The following TSBP1 variants were observed in gnomAD, a reference collection of about 807,000 sequenced individuals.
The protein encoded by TSBP1 is testis-expressed basic protein 1.
TSBP1 carries 56 observed loss-of-function variants against 68.8 expected under a neutral mutation model. That is an observed-to-expected ratio of 0.81 (90% confidence interval 0.66 to 1.02). The LOEUF (loss-of-function observed/expected upper bound fraction) is 1.02, where lower values mean the gene tolerates loss of function less well. Among genes scored for constraint, TSBP1 ranks in the 50% least tolerant of loss-of-function variants. The pLI is 0.00. For synonymous variants in TSBP1, 171 were observed against 208.7 expected, an observed-to-expected ratio of 0.82 and a Z score of 1.56; for missense variants, 502 against 641.2, an observed-to-expected ratio of 0.78 and a Z score of 2.34.
At chr6:32,323,591 C>T (rs751054695) in exon 17 of TSBP1, 48 of 1,611,886 alleles carry the variant, frequency 3.0e-5, no homozygotes, top group African/African-American at 5.3e-5. Flanking sequence ...TTGAACTTAC[C>T]GCGGGGTGCT....
At chr6:32,331,679 T>G (rs1406508368) in intron 15 of TSBP1, among the ~76,000 whole-genome samples, 1 of 152,110 alleles carries the variant, frequency 6.6e-6, no homozygotes, top group Non-Finnish European at 1.5e-5. Context: ...GGGAACATCT[T>G]ATCAATATCC....
chr6:32,293,214 G>T (rs1562042504), exon 23 of TSBP1: 1 of 1,611,494 alleles, frequency 6.2e-7, no homozygotes, highest in Non-Finnish European at 8.5e-7. Flanking sequence ...TTCTTTTCTT[G>T]GGCTTCCTGT....
At chr6:32,344,598 G>A (rs1441819763) in intron 9 of TSBP1, among the ~76,000 whole-genome samples, 1 of 151,960 alleles carries the variant, frequency 6.6e-6, no homozygotes, top group Non-Finnish European at 1.5e-5. Context: ...AAGCATCAGC[G>A]TTAATCCCCC....
chr6:32,357,921 C>G lies in TSBP1; in HGVS notation c.218-2252G>C, dbSNP rs1772526102. On this transcript the variant is annotated intron_variant, in intron 6 of 22. Coordinates refer to ENST00000612031, the Ensembl canonical transcript of TSBP1. This position sits in a 1 kb window ranked among gnomAD's most constrained non-coding sequence, Gnocchi z 4.7. ...CTCACTGCACAAAGGGTTAAGGGAACTGAAATCCCCAGCAGTGTCTCTGGG... is the reference window on the plus strand; with the variant it reads ...CTCACTGCACAAAGGGTTAAGGGAAGTGAAATCCCCAGCAGTGTCTCTGGG... Among the ~76,000 whole-genome samples, 1 of 152,126 alleles carries G rather than the reference C, an allele frequency of 6.6e-6. No homozygotes were observed. The highest frequency in any genetic ancestry group is 2.4e-5 in the African/African-American group (1 of 41,408).
At chr6:32,324,424 C>T in intron 16 of TSBP1, 1 of 697,138 alleles carries the variant, frequency 1.4e-6, no homozygotes, top group Admixed American at 2.0e-5. Context: ...CTTATCTCTT[C>T]CCTTTTTGCA....
intron 6 of TSBP1, chr6:32,356,726 A>T (rs1443240933): frequency 1.3e-5 from 2 of 154,116 alleles, no homozygotes; most frequent in Non-Finnish European, 2.9e-5. Context: ...TCTCAATGAA[A>T]AAAAAAAGGG....
Position 32,315,288 on chromosome 6 carries a change from C to T in TSBP1, c.580+484G>A, listed in dbSNP as rs1013923655. ...TTAGAACTAAAATAATGGGGCTGGG[C>T]GTGGTGGTTCACACCTGTAAACCCA... On this transcript the variant is annotated intron_variant, in intron 19 of 22. Transcript: ENST00000612031. This position sits in a 1 kb window ranked among gnomAD's most constrained non-coding sequence, Gnocchi z 5.4. 2.6e-5 allele frequency among the ~76,000 whole-genome samples: 4 copies of T among 152,090 alleles called. No homozygotes were observed. Among genetic ancestry groups the T allele is most frequent in the African/African-American group, 9.7e-5 (4 of 41,424 alleles).
At chr6:32,294,134 T>C in intron 22 of TSBP1, 99 bp from the exon 26 acceptor site, 1 of 1,453,812 alleles carries the variant, frequency 6.9e-7, no homozygotes, top group Non-Finnish European at 9.5e-7. Context: ...GTCTTAAAAC[T>C]GACAAACTAA....
At chr6:32,367,610 T>G (rs1031647089) in intron 4 of TSBP1, among the ~76,000 whole-genome samples, 3 of 152,204 alleles carry the variant, frequency 2.0e-5, no homozygotes, top group African/African-American at 7.2e-5. Flanking sequence ...ACTATTCCAT[T>G]TCATATTCAT....
chr6:32,326,329 G>A (rs1562111477), intron 16 of TSBP1, among the ~76,000 whole-genome samples: 1 of 152,084 alleles, frequency 6.6e-6, no homozygotes, highest in Non-Finnish European at 1.5e-5. Flanking sequence ...TCATGTGTAT[G>A]GGCAAAAAAC....
Position 32,316,315 on chromosome 6 carries a change from G to C in TSBP1, c.560-523C>G. 1 of 1,176,180 alleles carries C rather than the reference G, an allele frequency of 8.5e-7. No homozygotes were observed. Among genetic ancestry groups the C allele is most frequent in the Non-Finnish European group, 1.2e-6 (1 of 813,712 alleles). 72.9% of individuals were successfully genotyped at this position (1,176,180 alleles called of 1,614,324 possible). A position where few individuals can be genotyped will look rare whatever the true frequency, so the allele number is the denominator to read the frequency against. Reference sequence around the variant, plus strand: ...TAATAAGGAAGCAAGGGAATAATGGGAACCACAAATCACTTTGACAGAAGT... The same window carrying C: ...TAATAAGGAAGCAAGGGAATAATGGCAACCACAAATCACTTTGACAGAAGT... On this transcript the variant is annotated intron_variant, in intron 18 of 22. Coordinates refer to ENST00000612031, the Ensembl canonical transcript of TSBP1. The surrounding 1 kb of genome is among the most constrained non-coding windows in gnomAD (Gnocchi z 4.5).
chr6:32,325,733 C>T lies in TSBP1; in HGVS notation c.515-2119G>A, dbSNP rs1768147462. The T allele has an allele frequency of 9.3e-7, 1 of 1,071,464 alleles. No individual in the cohort carries two copies. The highest frequency in any genetic ancestry group is 1.4e-6 in the Non-Finnish European group (1 of 699,914). The allele number at this position is 1,071,464 out of a possible 1,614,324, so 66.4% of individuals were successfully genotyped here. A position where few individuals can be genotyped will look rare whatever the true frequency, so the allele number is the denominator to read the frequency against. On this transcript the variant is annotated intron_variant, in intron 16 of 22. Coordinates refer to ENST00000612031, the Ensembl canonical transcript of TSBP1. This position sits in a 1 kb window ranked among gnomAD's most constrained non-coding sequence, Gnocchi z 4.4. Reference sequence around the variant, plus strand: ...TCAGAAATACCACAGTGTGAATGGCCACAACTGTGAAGTTAGGAAAGTCTG... The same window carrying T: ...TCAGAAATACCACAGTGTGAATGGCTACAACTGTGAAGTTAGGAAAGTCTG...
intron 3 of TSBP1, 76 bp downstream of exon 3, chr6:32,368,706 A>C (rs1348139279): frequency 1.4e-6 from 2 of 1,448,594 alleles, no homozygotes; most frequent in East Asian, 4.7e-5. Flanking sequence ...AACTGTAAAC[A>C]AGACAGATTT....
intron 9 of TSBP1, among the ~76,000 whole-genome samples, chr6:32,345,538 A>C: frequency 8.7e-6 from 1 of 115,568 alleles, no homozygotes; most frequent in Non-Finnish European, 1.8e-5. Flanking sequence ...TTTTTTTTTT[A>C]TGCCTAAGTT....
Position 32,335,949 on chromosome 6 carries a change from G to C in TSBP1, c.431-17C>G. On this transcript the variant is annotated splice_polypyrimidine_tract_variant and intron_variant, in intron 12 of 22. Transcript: ENST00000612031. The surrounding 1 kb of genome is among the most constrained non-coding windows in gnomAD (Gnocchi z 5.5). ...TAGCTCCGGCTGTGAGAGAGAAAGA[G>C]GGAGAAAGAAAAAGATATCAGTATG... 6.2e-7 allele frequency: 1 copy of C among 1,605,134 alleles called. No individual in the cohort carries two copies. Among genetic ancestry groups the C allele is most frequent in the East Asian group, 2.2e-5 (1 of 44,832 alleles).
At chr6:32,310,876 C>T (rs1170583941) in intron 19 of TSBP1, among the ~76,000 whole-genome samples, 1 of 151,646 alleles carries the variant, frequency 6.6e-6, no homozygotes, top group East Asian at 1.9e-4. Flanking sequence ...TGTCATATGC[C>T]GTATCAGCTG....
intron 20 of TSBP1, among the ~76,000 whole-genome samples, chr6:32,301,477 C>T (rs1344305294): frequency 6.6e-6 from 1 of 151,742 alleles, no homozygotes; most frequent in African/African-American, 2.4e-5. Context: ...CTTTGGAAGG[C>T]TGTGAGGCAG....
chr6:32,359,022 C>T (rs1028867083), intron 6 of TSBP1, among the ~76,000 whole-genome samples: 2 of 150,324 alleles, frequency 1.3e-5, no homozygotes, highest in African/African-American at 4.9e-5. Context: ...CACCCACTAA[C>T]TCGTCATCTA....
rs531903930 is a variant in TSBP1 at position 32,336,830 on chromosome 6, A to C, written c.410-195T>G. Among the ~76,000 whole-genome samples, 5 of 152,310 alleles carry C rather than the reference A, an allele frequency of 3.3e-5. No homozygotes were observed. Among genetic ancestry groups the C allele is most frequent in the African/African-American group, 9.6e-5 (4 of 41,578 alleles). ...ATTCAGCATCCATCTTAAATGAGAA[A>C]TTTAAGTAACTAAAAATAATAAATA... is the stretch of plus-strand genomic sequence containing the variant. On this transcript the variant is annotated intron_variant, in intron 11 of 22. Coordinates refer to ENST00000612031, the Ensembl canonical transcript of TSBP1. The surrounding 1 kb of genome is among the most constrained non-coding windows in gnomAD (Gnocchi z 5.2).
Sources: allele counts gnomAD v4.1 joint callset (sites outside exome capture counted in the v4.1 genomes callset), GRCh38; gene constraint gnomAD v4.1.1; non-coding constraint Gnocchi (gnomAD v3.1); transcripts MANE v1.5; gene names NCBI Gene and HGNC (gene_info 2026-07-23, HGNC 2026-07-21).